Variants in TASP1 observed in about 807,000 individuals in gnomAD.
TASP1 encodes the protein taspase 1, also known as threonine aspartase 1.
A neutral mutation model predicts 56.6 loss-of-function variants in TASP1; 16 were observed. That is an observed-to-expected ratio of 0.28 (90% confidence interval 0.19 to 0.43). The LOEUF (loss-of-function observed/expected upper bound fraction) is 0.43. TASP1 is among the 20% of genes least tolerant of loss of function. The probability of loss-of-function intolerance (pLI) is 1.00; values close to 1 mark genes in which losing one functional copy is unlikely to be tolerated. For missense variants in TASP1, 393 were observed against 511.6 expected, an observed-to-expected ratio of 0.77 and a Z score of 2.24; for synonymous variants, 179 against 184.2, an observed-to-expected ratio of 0.97 and a Z score of 0.23.
At chr20:13,119,647 T>TTCTC in the TASP1 span, among the ~76,000 whole-genome samples, 1 of 152,190 alleles carries the variant, frequency 6.6e-6, no homozygotes, top group Non-Finnish European at 1.5e-5. Flanking sequence ...CTCCCCACCT[T>TTCTC]TCTCTGTCTT....
the TASP1 span, among the ~76,000 whole-genome samples, chr20:13,145,111 C>A: frequency 2.0e-5 from 3 of 151,920 alleles, no homozygotes; most frequent in Non-Finnish European, 4.4e-5. Flanking sequence ...TTCTAGAAAC[C>A]CTGATGTGTT....
chr20:13,403,577 T>C (rs1197161199), intron 13 of TASP1, among the ~76,000 whole-genome samples: 1 of 152,216 alleles, frequency 6.6e-6, no homozygotes, highest in Non-Finnish European at 1.5e-5. Context: ...AGGATCAAAG[T>C]TGTAACTTGC....
At chr20:13,470,881 A>G (rs1000986138) in intron 11 of TASP1, among the ~76,000 whole-genome samples, 3 of 152,130 alleles carry the variant, frequency 2.0e-5, no homozygotes, top group Non-Finnish European at 4.4e-5. Flanking sequence ...CTGCATATTT[A>G]TTTACAACTG....
intron 11 of TASP1, among the ~76,000 whole-genome samples, chr20:13,447,811 T>C (rs998863977): frequency 6.1e-4 from 93 of 152,122 alleles, no homozygotes; most frequent in African/African-American, 2.2e-3. Flanking sequence ...CATCCAGATC[T>C]TTATTGGGTA....
the TASP1 span, among the ~76,000 whole-genome samples, chr20:13,221,467 TCCGCCG>T: frequency 6.7e-4 from 95 of 142,118 alleles, no homozygotes; most frequent in Middle Eastern, 3.7e-3. Context: ...AGTCTCCGTC[TCCGCCG>T]CCGCCGCCGC....
the TASP1 span, among the ~76,000 whole-genome samples, chr20:13,336,578 A>G: frequency 1.3e-5 from 2 of 152,220 alleles, no homozygotes; most frequent in African/African-American, 4.8e-5. Flanking sequence ...GCAGTATAAC[A>G]TTAACTAGGA....
intron 4 of TASP1, among the ~76,000 whole-genome samples, chr20:13,617,345 A>G (rs1451997343): frequency 1.3e-5 from 2 of 152,246 alleles, no homozygotes; most frequent in East Asian, 3.8e-4. Context: ...AGTACTACAA[A>G]AGAAAAAAGG....
chr20:13,241,476 G>A, the TASP1 span, among the ~76,000 whole-genome samples: 1 of 152,132 alleles, frequency 6.6e-6, no homozygotes, highest in Non-Finnish European at 1.5e-5. Context: ...AAGGCAAGGG[G>A]CTATGTGTGA....
chr20:13,629,905 G>T (rs568557484), intron 2 of TASP1, 29 bp downstream of exon 2: 1 of 1,609,914 alleles, frequency 6.2e-7, no homozygotes, highest in African/African-American at 1.3e-5. Flanking sequence ...AACATTATTG[G>T]CATCTTCCAA....
At chr20:13,257,658 T>G in the TASP1 span, among the ~76,000 whole-genome samples, 7 of 152,028 alleles carry the variant, frequency 4.6e-5, no homozygotes, top group East Asian at 1.4e-3. Flanking sequence ...GTCATTACAC[T>G]GCACAAGTAA....
At chr20:13,160,667 C>A in the TASP1 span, among the ~76,000 whole-genome samples, 12 of 152,288 alleles carry the variant, frequency 7.9e-5, no homozygotes, top group Admixed American at 5.2e-4. Flanking sequence ...GCCATCTACT[C>A]AGTTTGGAGT....
chr20:13,562,491 A>G (rs2046374773), intron 7 of TASP1, among the ~76,000 whole-genome samples: 2 of 152,184 alleles, frequency 1.3e-5, no homozygotes, highest in South Asian at 4.1e-4. Flanking sequence ...AACAAAATTT[A>G]AATCTTTAGC....
chr20:13,137,321 A>G, the TASP1 span, among the ~76,000 whole-genome samples: 1 of 152,178 alleles, frequency 6.6e-6, no homozygotes, highest in African/African-American at 2.4e-5. Flanking sequence ...TGCACGTTAC[A>G]CACTGCCTTT....
At chr20:13,349,429 T>C in the TASP1 span, among the ~76,000 whole-genome samples, 2 of 152,218 alleles carry the variant, frequency 1.3e-5, no homozygotes, top group East Asian at 1.9e-4. Flanking sequence ...TCACAAGGAC[T>C]GAGTCACCAA....
the TASP1 span, among the ~76,000 whole-genome samples, chr20:13,310,205 A>G: frequency 1.3e-5 from 2 of 152,236 alleles, no homozygotes; most frequent in Non-Finnish European, 2.9e-5. Flanking sequence ...AAGGTGTAGT[A>G]ATCAAAACAA....
Position 13,544,073 on chromosome 20 carries a change from AT to A in TASP1, c.676-9933del, listed in dbSNP as rs2045718527. On this transcript the variant is annotated intron_variant, in intron 8 of 13. Coordinates refer to ENST00000337743, the MANE Select transcript of TASP1 (RefSeq NM_017714.3). ...TTCTCGTAATATGGGAGTAATCCTT[AT>A]TTCTGGAAGTTTTGCGTGCCCTTTA... 2.0e-5 allele frequency among the ~76,000 whole-genome samples: 3 copies of A among 152,274 alleles called. No individual in the cohort carries two copies. The South Asian group carries it at 6.2e-4, about 32-fold the overall frequency.
chr20:13,148,158 T>C, the TASP1 span, among the ~76,000 whole-genome samples: 1 of 152,212 alleles, frequency 6.6e-6, no homozygotes, highest in Non-Finnish European at 1.5e-5. Flanking sequence ...CCTAAACATA[T>C]TTTTGGAAAT....
At chr20:13,341,823 G>A in the TASP1 span, among the ~76,000 whole-genome samples, 1 of 152,208 alleles carries the variant, frequency 6.6e-6, no homozygotes, top group Admixed American at 6.5e-5. Context: ...ACAGCTGTTG[G>A]CTGGCTGTTC....
chr20:13,526,933 C>T (rs973416923), intron 10 of TASP1, among the ~76,000 whole-genome samples: 2 of 152,022 alleles, frequency 1.3e-5, no homozygotes, highest in Non-Finnish European at 2.9e-5. Context: ...ATACACAGCA[C>T]CCATAGGAAC....
Sources: allele counts gnomAD v4.1 joint callset (sites outside exome capture counted in the v4.1 genomes callset), GRCh38; gene constraint gnomAD v4.1.1; transcripts MANE v1.5; gene names NCBI Gene and HGNC (gene_info 2026-07-23, HGNC 2026-07-21).